CDH19: variants seen among roughly 807,000 people sequenced by gnomAD.
The protein encoded by CDH19 is cadherin-19.
A neutral mutation model predicts 64.2 loss-of-function variants in CDH19; 67 were observed. The observed-to-expected ratio is 1.04, with a 90% CI of 0.86 to 1.28. The LOEUF (loss-of-function observed/expected upper bound fraction) is 1.28. CDH19 is among the 50% of genes most tolerant of loss of function. CDH19 has a pLI of 0.00. For synonymous variants in CDH19, 346 were observed against 319.3 expected (o/e 1.08, Z -0.89); for missense variants, 1,030 against 929.0 (o/e 1.11, Z -1.41).
chr18:66,596,284 T>C (rs1264586117), intron 1 of CDH19: 1 of 152,110 alleles, frequency 6.6e-6, no homozygotes, highest in African/African-American at 2.4e-5. Flanking sequence ...CCACTCCTAT[T>C]TAATATAGCT....
intron 1 of CDH19, among the ~76,000 whole-genome samples, chr18:66,578,023 C>T (rs1161145887): frequency 2.0e-5 from 3 of 151,924 alleles, no homozygotes; most frequent in Non-Finnish European, 4.4e-5. Flanking sequence ...CCCTTTATAA[C>T]GACACTTATA....
chr18:66,558,198 G>T (rs1310328934), intron 3 of CDH19, among the ~76,000 whole-genome samples: 4 of 148,786 alleles, frequency 2.7e-5, no homozygotes, highest in Admixed American at 1.4e-4. Flanking sequence ...ATTTAAGAGG[G>T]CAAAAATATG....
In CDH19 at chr18:66,503,338, T is replaced by A. The variant is rs558787657; in HGVS notation, c.*1474A>T. On this transcript the variant is annotated 3_prime_UTR_variant, in exon 12 of 12. Transcript: ENST00000262150. ...AATGTATCTATTGCACCTAATTTTA[T>A]ATTCAATAATAAAAAAATGACACTG... 76 of 151,974 alleles carry A rather than the reference T, an allele frequency of 5.0e-4. 1 individual carries two copies. Among genetic ancestry groups the A allele is most frequent in the African/African-American group, 1.8e-3 (74 of 41,550 alleles). 9.4% of individuals were successfully genotyped at this position (151,974 alleles called of 1,614,324 possible).
At chr18:66,594,645 C>T (rs1031945325) in intron 1 of CDH19, among the ~76,000 whole-genome samples, 2 of 151,648 alleles carry the variant, frequency 1.3e-5, no homozygotes, top group Non-Finnish European at 2.9e-5. Context: ...GAAAATGTGG[C>T]ACATATACAC....
intron 9 of CDH19, among the ~76,000 whole-genome samples, chr18:66,522,271 T>C (rs1986029008): frequency 6.6e-6 from 1 of 151,066 alleles, no homozygotes; most frequent in South Asian, 2.1e-4. Context: ...AGACAGAGTT[T>C]CACTCTTGTT....
chr18:66,507,029 C>T (rs531852001), intron 11 of CDH19, among the ~76,000 whole-genome samples: 2 of 151,908 alleles, frequency 1.3e-5, no homozygotes, highest in Admixed American at 6.6e-5. Flanking sequence ...ATAGTTGACC[C>T]GTAACTCCCA....
chr18:66,528,924 T>A (rs1986327896), intron 9 of CDH19, among the ~76,000 whole-genome samples: 2 of 152,012 alleles, frequency 1.3e-5, no homozygotes, highest in African/African-American at 2.4e-5. Flanking sequence ...AACTCTAGAC[T>A]GTAAAATTTT....
chr18:66,505,289 C>A lies in CDH19; in HGVS notation c.1842G>T (p.Leu614Phe). 3 of 1,553,610 alleles carry A rather than the reference C, an allele frequency of 1.9e-6. No individual in the cohort carries two copies. The highest frequency in any genetic ancestry group is 1.2e-5 in the South Asian group (1 of 80,748). Residue 614 changes from leucine to phenylalanine, a missense_variant, in exon 12 of 12, where the codon TTG becomes TTT. By Grantham distance (22) the Leu-to-Phe change is conservative. Coordinates refer to ENST00000262150, the MANE Select transcript of CDH19 (RefSeq NM_021153.4). ...CIMIIFGFIF[L>F]TLGLKQRRKQ... is the part of the protein sequence containing the mutation. ...TTCTCCGTTGTTTTAAACCCAAAGT[C>A]AAAAAAATAAACCCTGATGAAGAAA...
intron 1 of CDH19, among the ~76,000 whole-genome samples, chr18:66,591,680 A>T (rs1415493784): frequency 6.6e-6 from 1 of 151,872 alleles, no homozygotes; most frequent in Non-Finnish European, 1.5e-5. Context: ...AAAATCATTG[A>T]TAATCTAGCA....
intron 1 of CDH19, among the ~76,000 whole-genome samples, chr18:66,579,836 C>T (rs1988373611): frequency 6.6e-6 from 1 of 151,832 alleles, no homozygotes. Context: ...TTTTTTTGGT[C>T]ATTGAATGTT....
intron 1 of CDH19, among the ~76,000 whole-genome samples, chr18:66,585,340 T>A (rs1376434321): frequency 1.3e-5 from 2 of 152,070 alleles, no homozygotes; most frequent in South Asian, 4.1e-4. Context: ...CCAAATAGTT[T>A]GAGATGGAAT....
intron 9 of CDH19, among the ~76,000 whole-genome samples, chr18:66,520,042 G>A (rs1445809327): frequency 6.6e-6 from 1 of 151,966 alleles, no homozygotes; most frequent in Non-Finnish European, 1.5e-5. Context: ...AAAATTAGCC[G>A]GGTGTGGTGG....
At chr18:66,580,343 G>C (rs1278252320) in intron 1 of CDH19, among the ~76,000 whole-genome samples, 1 of 151,942 alleles carries the variant, frequency 6.6e-6, no homozygotes. Context: ...TGGGAAGCAA[G>C]TATAAATTGG....
Position 66,504,726 on chromosome 18 carries a change from A to G in CDH19, c.*86T>C, listed in dbSNP as rs1204208305. On this transcript the variant is annotated 3_prime_UTR_variant, in exon 12 of 12. Transcript: ENST00000262150. Reference sequence around the variant, plus strand: ...TCCATAGACTAGGGCTTTCCCCGCCATAGAGCCAGGGCACAAAACTCTTTA... The same window carrying G: ...TCCATAGACTAGGGCTTTCCCCGCCGTAGAGCCAGGGCACAAAACTCTTTA... The G allele has an allele frequency of 1.4e-6, 2 of 1,400,172 alleles. No individual in the cohort carries two copies. 86.7% of individuals were successfully genotyped at this position (1,400,172 alleles called of 1,614,324 possible). A position where few individuals can be genotyped will look rare whatever the true frequency, so the allele number is the denominator to read the frequency against.
At chr18:66,586,508 CCTAT>C in intron 1 of CDH19, among the ~76,000 whole-genome samples, 1 of 151,594 alleles carries the variant, frequency 6.6e-6, no homozygotes, top group East Asian at 1.9e-4. Flanking sequence ...GAGAATATTA[CCTAT>C]CTTTCTTCTA....
chr18:66,503,855 G>A lies in CDH19; in HGVS notation c.*957C>T, dbSNP rs1481728196. 1.3e-5 allele frequency: 2 copies of A among 151,790 alleles called. No homozygotes were observed. The highest frequency in any genetic ancestry group is 1.3e-4 in the Admixed American group (2 of 15,202). The allele number at this position is 151,790 out of a possible 1,614,324, so 9.4% of individuals were successfully genotyped here. A position where few individuals can be genotyped will look rare whatever the true frequency, so the allele number is the denominator to read the frequency against. Reference sequence around the variant, plus strand: ...AAATATCAAACTAGAATGAATCATGGCATCTTAGTCAGAAATCTGCTTTCC... The same window carrying A: ...AAATATCAAACTAGAATGAATCATGACATCTTAGTCAGAAATCTGCTTTCC... On this transcript the variant is annotated 3_prime_UTR_variant, in exon 12 of 12. Coordinates refer to ENST00000262150, the MANE Select transcript of CDH19 (RefSeq NM_021153.4).
intron 9 of CDH19, among the ~76,000 whole-genome samples, chr18:66,529,466 A>T (rs531402568): frequency 1.7e-4 from 25 of 151,310 alleles, no homozygotes; most frequent in African/African-American, 5.8e-4. Context: ...GCAAATTTTT[A>T]AAAACATTTT....
chr18:66,544,256 T>C (rs892886489), intron 6 of CDH19, 32 bp from the exon 7 acceptor site: 2 of 1,583,686 alleles, frequency 1.3e-6, no homozygotes, highest in Admixed American at 1.9e-5. Flanking sequence ...ACAAAAGAAA[T>C]GGCTTTAGTA....
chr18:66,558,311 C>T (rs958391180), intron 3 of CDH19, among the ~76,000 whole-genome samples: 1 of 151,236 alleles, frequency 6.6e-6, no homozygotes, highest in African/African-American at 2.4e-5. Flanking sequence ...TAGCAATGCT[C>T]GATTTTTACA....
Sources: gnomAD v4.1 joint callset for allele counts (sites outside exome capture counted in the v4.1 genomes callset) on GRCh38, gnomAD v4.1.1 for gene constraint, MANE v1.5 for transcripts, NCBI Gene and HGNC (gene_info 2026-07-23, HGNC 2026-07-21) for gene names.